PCMTD1: variants seen among roughly 807,000 people sequenced by gnomAD.
PCMTD1 encodes the protein protein-L-isoaspartate (D-aspartate) O-methyltransferase domain containing 1.
Under a neutral mutation model 37.6 loss-of-function variants are expected in PCMTD1, and 12 were observed. The ratio of observed to expected loss-of-function variants is 0.32; its 90% CI spans 0.20 to 0.52. PCMTD1 has a LOEUF of 0.52. Ranked by LOEUF, PCMTD1 falls within the 20% of genes least tolerant of loss-of-function variation. The pLI is 0.97. For missense variants in PCMTD1, 235 were observed against 421.3 expected, an observed-to-expected ratio of 0.56 and a Z score of 3.87; for synonymous variants, 117 against 135.8, an observed-to-expected ratio of 0.86 and a Z score of 0.96.
At chr8:51,892,257 G>A (rs1332460007) in intron 1 of PCMTD1, among the ~76,000 whole-genome samples, 2 of 152,118 alleles carry the variant, frequency 1.3e-5, no homozygotes, top group Admixed American at 6.5e-5. Context: ...TACTAGCATA[G>A]GCCATAGATC....
intron 2 of PCMTD1, among the ~76,000 whole-genome samples, chr8:51,856,299 T>C (rs2038388343): frequency 6.6e-6 from 1 of 152,156 alleles, no homozygotes; most frequent in African/African-American, 2.4e-5. Context: ...AAGAGCAAAT[T>C]AAAACCACAA....
intron 1 of PCMTD1, chr8:51,896,517 A>T (rs1355948652): frequency 2.6e-5 from 4 of 152,194 alleles, no homozygotes; most frequent in Non-Finnish European, 5.9e-5. Context: ...CGAGTTTGTA[A>T]GCAATACGCA....
chr8:51,826,273 C>G (rs1435287963), intron 5 of PCMTD1, among the ~76,000 whole-genome samples: 2 of 152,158 alleles, frequency 1.3e-5, no homozygotes, highest in African/African-American at 4.8e-5. Context: ...GAACCAAAAA[C>G]CAAACACTGC....
rs201058358 is a variant in PCMTD1, at chr8:51,845,767, C to A, written c.308-4G>T. ...CCATGATTTATTCCAAAAGGACCTGCAATCGTAGCAGCATTTTTATAAAAA... is the reference window on the plus strand; with the variant it reads ...CCATGATTTATTCCAAAAGGACCTGAAATCGTAGCAGCATTTTTATAAAAA... On this transcript the variant is annotated splice_region_variant and splice_polypyrimidine_tract_variant and intron_variant, in intron 2 of 5. Coordinates refer to ENST00000522514, the MANE Select transcript of PCMTD1 (RefSeq NM_052937.4). 990 of 1,600,710 alleles carry A rather than the reference C, an allele frequency of 6.2e-4. No homozygotes were observed. Among genetic ancestry groups the A allele is most frequent in the Non-Finnish European group, 7.9e-4 (923 of 1,169,392 alleles).
chr8:51,877,345 AGAG>A (rs1169887661), intron 1 of PCMTD1, among the ~76,000 whole-genome samples: 2 of 152,196 alleles, frequency 1.3e-5, no homozygotes, highest in Non-Finnish European at 2.9e-5. Context: ...AGGCAAAGGT[AGAG>A]GAGAACAAAG....
intron 1 of PCMTD1, among the ~76,000 whole-genome samples, chr8:51,872,583 G>A (rs2038654417): frequency 6.6e-6 from 1 of 152,092 alleles, no homozygotes; most frequent in Non-Finnish European, 1.5e-5. Context: ...GATCAACAGG[G>A]AAGCATGATT....
At chr8:51,873,112 TA>T (rs1384131330) in intron 1 of PCMTD1, among the ~76,000 whole-genome samples, 2 of 152,176 alleles carry the variant, frequency 1.3e-5, no homozygotes, top group East Asian at 3.8e-4. Context: ...TAAAACAAAA[TA>T]GCTAAAGTAT....
At chr8:51,840,916 G>A (rs913916387) in intron 3 of PCMTD1, among the ~76,000 whole-genome samples, 1 of 152,076 alleles carries the variant, frequency 6.6e-6, no homozygotes, top group African/African-American at 2.4e-5. Flanking sequence ...TGAATTAAGT[G>A]CATTAACAGC....
intron 1 of PCMTD1, among the ~76,000 whole-genome samples, chr8:51,891,704 A>ATG (rs1244300430): frequency 6.7e-6 from 1 of 148,472 alleles, no homozygotes; most frequent in African/African-American, 2.5e-5. Flanking sequence ...ATGTATATAT[A>ATG]TATATATAGC....
intron 1 of PCMTD1, among the ~76,000 whole-genome samples, chr8:51,862,866 A>G (rs542429927): frequency 1.0e-3 from 154 of 152,202 alleles, no homozygotes; most frequent in Non-Finnish European, 4.4e-5. Flanking sequence ...TAGCACCTTC[A>G]GTCCTCAAAA....
chr8:51,835,692 T>C (rs2038058072), intron 3 of PCMTD1, among the ~76,000 whole-genome samples: 1 of 152,230 alleles, frequency 6.6e-6, no homozygotes, highest in African/African-American at 2.4e-5. Flanking sequence ...AATTTTTGAA[T>C]TATTAAACCA....
chr8:51,838,062 C>G (rs1023181241), intron 3 of PCMTD1, among the ~76,000 whole-genome samples: 5 of 152,196 alleles, frequency 3.3e-5, no homozygotes, highest in African/African-American at 1.2e-4. Context: ...GCTAGAATTA[C>G]AGGCGTGAGC....
chr8:51,858,771 G>T (rs907358712), intron 2 of PCMTD1, among the ~76,000 whole-genome samples: 1 of 152,090 alleles, frequency 6.6e-6, no homozygotes, highest in African/African-American at 2.4e-5. Flanking sequence ...GATAAATCCT[G>T]GAATAGTATC....
rs183151432 is a variant in PCMTD1, at chr8:51,896,564, T to C, written c.-96+2366A>G. On this transcript the variant is annotated intron_variant, in intron 1 of 5. Coordinates refer to ENST00000522514, the MANE Select transcript of PCMTD1 (RefSeq NM_052937.4). The stretch of plus-strand genomic sequence containing the variant: ...TACAATTTACAATAACATCCCAATT[T>C]ACCATGGCACCCAGCAGTGTCTAAA... 6.6e-4 allele frequency among the ~76,000 whole-genome samples: 100 copies of C among 152,302 alleles called. 1 individual carries two copies. Among genetic ancestry groups the C allele is most frequent in the Non-Finnish European group, 1.2e-3 (85 of 68,026 alleles).
intron 2 of PCMTD1, among the ~76,000 whole-genome samples, chr8:51,848,324 A>T (rs1162655718): frequency 6.6e-6 from 1 of 152,064 alleles, no homozygotes; most frequent in African/African-American, 2.4e-5. Flanking sequence ...AGAGAAAAAA[A>T]ATCTAGTTAC....
intron 1 of PCMTD1, among the ~76,000 whole-genome samples, chr8:51,894,870 A>G (rs1438969134): frequency 6.6e-6 from 1 of 152,238 alleles, no homozygotes; most frequent in Non-Finnish European, 1.5e-5. Context: ...ATGACTAAGA[A>G]AATGCAAAGG....
chr8:51,828,451 C>A (rs1249892354), intron 5 of PCMTD1, among the ~76,000 whole-genome samples: 1 of 152,124 alleles, frequency 6.6e-6, no homozygotes, highest in East Asian at 1.9e-4. Context: ...TAGTCCCTGA[C>A]TTATAATGGT....
chr8:51,856,564 A>G (rs570117470), intron 2 of PCMTD1, among the ~76,000 whole-genome samples: 1 of 152,354 alleles, frequency 6.6e-6, no homozygotes, highest in Admixed American at 6.5e-5. Flanking sequence ...AAATGCTCAT[A>G]ATGGCATTAT....
chr8:51,866,725 A>G (rs1326746003), intron 1 of PCMTD1, among the ~76,000 whole-genome samples: 1 of 152,104 alleles, frequency 6.6e-6, no homozygotes. Context: ...CTGGGCAAAG[A>G]TTTCTTGGAT....
Sources: allele counts gnomAD v4.1 joint callset (sites outside exome capture counted in the v4.1 genomes callset), GRCh38; gene constraint gnomAD v4.1.1; transcripts MANE v1.5; gene names NCBI Gene and HGNC (gene_info 2026-07-23, HGNC 2026-07-21).